The following MCCC2 variants were observed in gnomAD, a reference collection of about 807,000 sequenced individuals.
MCCC2 encodes methylcrotonyl-CoA carboxylase subunit 2.
A neutral mutation model predicts 77.2 loss-of-function variants in MCCC2; 52 were observed. The observed-to-expected ratio is 0.67, with a 90% CI of 0.54 to 0.85. MCCC2 has a LOEUF of 0.85. Among genes scored for constraint, MCCC2 ranks in the 40% least tolerant of loss-of-function variants. MCCC2 has a pLI of 0.00. For synonymous variants in MCCC2, 253 were observed against 248.4 expected (o/e 1.02, Z -0.18); for missense variants, 682 against 703.2 (o/e 0.97, Z 0.34).
At chr5:71,630,198 C>T (rs747887014) in intron 7 of MCCC2, among the ~76,000 whole-genome samples, 8 of 152,130 alleles carry the variant, frequency 5.3e-5, no homozygotes, top group African/African-American at 7.2e-5. Context: ...TTCTGACGCA[C>T]GCTTGACCGA....
chr5:71,642,377 T>C lies in MCCC2; in HGVS notation c.1072+1302T>C, dbSNP rs545535172. ...ATGTCTCTGGAAGTTCCTCAGGGTT[T>C]CCTCCTGCCTCAGCACTTACCATGT... is the stretch of plus-strand genomic sequence containing the variant. On this transcript the variant is annotated intron_variant, in intron 11 of 16. Transcript: ENST00000340941. 2.0e-3 allele frequency among the ~76,000 whole-genome samples: 307 copies of C among 152,290 alleles called. 2 individuals carry two copies. Among genetic ancestry groups the C allele is most frequent in the African/African-American group, 7.0e-3 (291 of 41,548 alleles).
chr5:71,639,557 C>A (rs978516703), intron 10 of MCCC2, among the ~76,000 whole-genome samples: 1 of 152,214 alleles, frequency 6.6e-6, no homozygotes, highest in Admixed American at 6.5e-5. Context: ...CCAGACTACT[C>A]AAACCTTCTC....
intron 6 of MCCC2, among the ~76,000 whole-genome samples, chr5:71,619,600 T>C (rs1746293967): frequency 6.6e-6 from 1 of 152,112 alleles, no homozygotes; most frequent in Non-Finnish European, 1.5e-5. Context: ...GGTCTCTTTA[T>C]GTTGCCCAGG....
chr5:71,618,731 T>C (rs1217194169), intron 6 of MCCC2, among the ~76,000 whole-genome samples: 1 of 152,170 alleles, frequency 6.6e-6, no homozygotes, highest in Non-Finnish European at 1.5e-5. Context: ...TATTCTGTTA[T>C]AGCAGCAGCA....
chr5:71,642,891 T>G (rs1424247076), intron 11 of MCCC2, among the ~76,000 whole-genome samples: 1 of 152,094 alleles, frequency 6.6e-6, no homozygotes, highest in Non-Finnish European at 1.5e-5. Flanking sequence ...TAGTCCCAGC[T>G]GCTTGGGAGG....
Position 71,604,341 on chromosome 5 carries a change from A to G in MCCC2, c.512-15A>G. The G allele has an allele frequency of 1.2e-6, 2 of 1,607,468 alleles. No individual in the cohort carries two copies. The highest frequency in any genetic ancestry group is 2.2e-5 in the South Asian group (2 of 90,970). ...GTTCATAGAGATGCTTATGTTTCTC[A>G]TTTCTTGTCTTCAGTTGATTCGGGA... On this transcript the variant is annotated splice_polypyrimidine_tract_variant and intron_variant, in intron 5 of 16. Coordinates refer to ENST00000340941, the MANE Select transcript of MCCC2 (RefSeq NM_022132.5).
intron 5 of MCCC2, 89 bp downstream of exon 5, chr5:71,602,722 G>C (rs1052908371): frequency 1.3e-6 from 2 of 1,570,586 alleles, no homozygotes; most frequent in Non-Finnish European, 1.7e-6. Context: ...TTTGGGATGG[G>C]TATTTTATAA....
In MCCC2 at chr5:71,649,260, G is replaced by A; in HGVS notation, c.1373+7G>A. 1 of 1,612,798 alleles carries A rather than the reference G, an allele frequency of 6.2e-7. No individual in the cohort carries two copies. On this transcript the variant is annotated splice_region_variant and intron_variant, in intron 14 of 16. Coordinates refer to ENST00000340941, the MANE Select transcript of MCCC2 (RefSeq NM_022132.5). Reference sequence around the variant, plus strand: ...TGTGTGGCAGAGCATATAGGTAGGTGTCATGATTTTCTCTGAAACAAAGAA... The same window carrying A: ...TGTGTGGCAGAGCATATAGGTAGGTATCATGATTTTCTCTGAAACAAAGAA...
At chr5:71,616,614 C>T (rs1453787617) in intron 6 of MCCC2, among the ~76,000 whole-genome samples, 1 of 152,160 alleles carries the variant, frequency 6.6e-6, no homozygotes, top group Non-Finnish European at 1.5e-5. Context: ...ATTAACTTCC[C>T]CTACTCATTT....
intron 15 of MCCC2, 104 bp downstream of exon 15, chr5:71,650,287 G>T (rs1278830688): frequency 3.5e-6 from 3 of 860,930 alleles, no homozygotes; most frequent in Non-Finnish European, 5.9e-6. Flanking sequence ...TCATGGCTGG[G>T]GACCTGGCGC....
intron 4 of MCCC2, among the ~76,000 whole-genome samples, chr5:71,601,000 C>T (rs1391056356): frequency 6.6e-6 from 1 of 152,180 alleles, no homozygotes; most frequent in Non-Finnish European, 1.5e-5. Context: ...AAGACCTGGT[C>T]CCTGTGCCCC....
At chr5:71,622,344 T>C (rs1174809746) in intron 6 of MCCC2, among the ~76,000 whole-genome samples, 1 of 151,940 alleles carries the variant, frequency 6.6e-6, no homozygotes, top group African/African-American at 2.4e-5. Flanking sequence ...AAATTAAAAA[T>C]AAAAACAAGA....
intron 6 of MCCC2, among the ~76,000 whole-genome samples, chr5:71,607,024 G>A (rs1334981484): frequency 9.3e-5 from 14 of 150,206 alleles, no homozygotes; most frequent in South Asian, 6.3e-4. Flanking sequence ...CAAGGATATT[G>A]GTCTAAAATT....
rs1376585197 is a variant in MCCC2, at chr5:71,596,372, C to T, written c.281+8C>T. On this transcript the variant is annotated splice_region_variant and intron_variant, in intron 3 of 16. Coordinates refer to ENST00000340941, the MANE Select transcript of MCCC2 (RefSeq NM_022132.5). Reference sequence around the variant, plus strand: ...CAATCTCATAGACCCAGGGTGCGTACATAGCCAAGTACTGACTCAGAGTGT... The same window carrying T: ...CAATCTCATAGACCCAGGGTGCGTATATAGCCAAGTACTGACTCAGAGTGT... The T allele has an allele frequency of 5.6e-6, 9 of 1,609,736 alleles. No homozygotes were observed. Among genetic ancestry groups the T allele is most frequent in the Non-Finnish European group, 7.7e-6 (9 of 1,176,062 alleles).
At chr5:71,589,958 C>G (rs944908991) in intron 1 of MCCC2, among the ~76,000 whole-genome samples, 14 of 152,176 alleles carry the variant, frequency 9.2e-5, no homozygotes, top group African/African-American at 3.1e-4. Context: ...CCAGCTCTAC[C>G]TAGGTGGGTT....
chr5:71,646,171 A>G, intron 12 of MCCC2, 40 bp from the exon 13 acceptor site: 1 of 1,535,962 alleles, frequency 6.5e-7, no homozygotes, highest in Non-Finnish European at 9.0e-7. Context: ...TAATAGAGTT[A>G]ATTCCCTTTT....
chr5:71,587,858 C>A (rs1744825525), intron 1 of MCCC2, among the ~76,000 whole-genome samples: 1 of 152,112 alleles, frequency 6.6e-6, no homozygotes, highest in Non-Finnish European at 1.5e-5. Flanking sequence ...CAGGTGGAGT[C>A]GCTGTGTTTA....
intron 16 of MCCC2, among the ~76,000 whole-genome samples, chr5:71,655,367 A>G (rs1747550462): frequency 6.6e-6 from 1 of 152,210 alleles, no homozygotes; most frequent in African/African-American, 2.4e-5. Flanking sequence ...TGTTTTCCTT[A>G]ATCCTAATAG....
rs769137583 is a variant in MCCC2, at chr5:71,602,506, A to G, written c.384A>G (p.Gly128=). The G allele has an allele frequency of 6.2e-7, 1 of 1,614,200 alleles. No homozygotes were observed. Among genetic ancestry groups the G allele is most frequent in the Non-Finnish European group, 8.5e-7 (1 of 1,180,034 alleles). ...GIITGIGRVS[G]VECMIIANDA... ...CTCCAATGAAATTTCTGCCTTTCAG[A>G]GTAGAATGCATGATTATTGCCAATG... Residue 128 remains glycine (G), a splice_region_variant and synonymous_variant, in exon 5 of 17, where the codon GGA becomes GGG. Transcript: ENST00000340941.
Sources: allele counts gnomAD v4.1 joint callset (sites outside exome capture counted in the v4.1 genomes callset), GRCh38; gene constraint gnomAD v4.1.1; transcripts MANE v1.5; gene names NCBI Gene and HGNC (gene_info 2026-07-23, HGNC 2026-07-21).